REPS1: variants seen among roughly 807,000 people sequenced by gnomAD.
REPS1 encodes ralBP1-associated Eps domain-containing protein 1.
Under a neutral mutation model 100.9 loss-of-function variants are expected in REPS1, and 39 were observed. That is an observed-to-expected ratio of 0.39 (90% CI 0.30 to 0.50). REPS1 has a LOEUF of 0.50. Ranked by LOEUF, REPS1 falls within the 20% of genes least tolerant of loss-of-function variation. The pLI, the probability that REPS1 is intolerant of heterozygous loss-of-function variation, is 0.86. For missense variants in REPS1, 821 were observed against 968.5 expected (o/e 0.85, Z 2.02); for synonymous variants, 324 against 340.3 (o/e 0.95, Z 0.53).
intron 6 of REPS1, 44 bp downstream of exon 6, chr6:138,943,809 T>C (rs1248500007): frequency 1.3e-6 from 2 of 1,499,260 alleles, no homozygotes; most frequent in East Asian, 4.6e-5. Context: ...GAAATTGAGA[T>C]TCTCCTGTCC....
intron 1 of REPS1, among the ~76,000 whole-genome samples, chr6:138,954,829 T>C (rs1238880609): frequency 6.6e-6 from 1 of 152,182 alleles, no homozygotes; most frequent in Non-Finnish European, 1.5e-5. Flanking sequence ...AAAGTAACAC[T>C]TCCTTTCATA....
intron 1 of REPS1, among the ~76,000 whole-genome samples, 184 bp from the exon 2 acceptor site, chr6:138,948,097 T>C (rs1384319145): frequency 6.6e-6 from 1 of 152,192 alleles, no homozygotes; most frequent in Admixed American, 6.5e-5. Context: ...AAGTCACTGC[T>C]TTGCAATAAG....
intron 1 of REPS1, among the ~76,000 whole-genome samples, chr6:138,957,080 A>G (rs1159352255): frequency 6.6e-6 from 1 of 152,146 alleles, no homozygotes; most frequent in Admixed American, 6.5e-5. Flanking sequence ...AATTTTTATT[A>G]AAATAAGGTC....
At chr6:138,941,541 T>C (rs1160574830) in intron 7 of REPS1, 52 bp from the exon 8 acceptor site, 1 of 1,519,234 alleles carries the variant, frequency 6.6e-7, no homozygotes, top group Non-Finnish European at 9.0e-7. Context: ...TGGATCCTTT[T>C]ATTTCTCAAA....
At chr6:138,980,432 T>A (rs1582867900) in intron 1 of REPS1, among the ~76,000 whole-genome samples, 1 of 152,174 alleles carries the variant, frequency 6.6e-6, no homozygotes, top group Admixed American at 6.5e-5. Context: ...CCTTATGCAG[T>A]CCCTGCCATT....
Position 138,941,507 on chromosome 6 carries a change from TG to T in REPS1, c.981-19del, listed in dbSNP as rs1782245405. On this transcript the variant is annotated intron_variant, in intron 7 of 19. Transcript: ENST00000450536. Reference sequence around the variant, plus strand: ...AGAGTTCCCTAGAAGATAAGTTTATTGTGAATATAATCACATTCCGCTTTGG... The same window carrying T: ...AGAGTTCCCTAGAAGATAAGTTTATTTGAATATAATCACATTCCGCTTTGG... The T allele has an allele frequency of 6.2e-7, 1 of 1,608,122 alleles. No individual in the cohort carries two copies. The highest frequency in any genetic ancestry group is 1.3e-5 in the African/African-American group (1 of 74,892).
chr6:138,917,703 A>T, intron 12 of REPS1, 76 bp from the exon 13 acceptor site: 1 of 1,180,686 alleles, frequency 8.5e-7, no homozygotes, highest in Non-Finnish European at 1.2e-6. Context: ...AACAAATATA[A>T]GTGATATGCT....
chr6:138,944,876 T>C (rs776157984), intron 4 of REPS1, among the ~76,000 whole-genome samples: 4 of 152,222 alleles, frequency 2.6e-5, no homozygotes, highest in Admixed American at 6.5e-5. Context: ...CTGGTATCCA[T>C]AAACTTGTCT....
intron 13 of REPS1, 24 bp from the exon 14 acceptor site, chr6:138,916,000 T>C (rs760223421): frequency 1.9e-5 from 29 of 1,500,762 alleles, no homozygotes; most frequent in South Asian, 5.6e-5. Context: ...CCCATGATAA[T>C]TGGTCATACT....
rs150753351 is a variant in REPS1 at position 138,958,504 on chromosome 6, C to T, written c.154-10591G>A. Among the ~76,000 whole-genome samples, 246 of 86,436 alleles carry T rather than the reference C, an allele frequency of 2.8e-3. 1 individual carries two copies. The highest frequency in any genetic ancestry group is 0.026 in the African/African-American group (240 of 9,356). 56.7% of individuals were successfully genotyped at this position (86,436 alleles called of 152,430 possible). On this transcript the variant is annotated intron_variant, in intron 1 of 19. Coordinates refer to ENST00000450536, the MANE Select transcript of REPS1 (RefSeq NM_001286611.2). ...CTCTAAGTTACCTCCCCTCGCCCCCCACTCCCCAACAGGCCTGGTGTGTGT... is the reference window on the plus strand; with the variant it reads ...CTCTAAGTTACCTCCCCTCGCCCCCTACTCCCCAACAGGCCTGGTGTGTGT...
intron 10 of REPS1, among the ~76,000 whole-genome samples, chr6:138,922,236 T>C (rs908189848): frequency 1.3e-5 from 2 of 152,152 alleles, no homozygotes; most frequent in Non-Finnish European, 2.9e-5. Flanking sequence ...GCCTATGACA[T>C]TGCAATAGTA....
chr6:138,937,446 T>G (rs1257581384), intron 8 of REPS1, among the ~76,000 whole-genome samples: 1 of 152,164 alleles, frequency 6.6e-6, no homozygotes, highest in Non-Finnish European at 1.5e-5. Context: ...ACCAAGGTAA[T>G]CTCAAATCTG....
intron 17 of REPS1, 73 bp downstream of exon 17, chr6:138,911,203 A>G: frequency 1.0e-6 from 1 of 1,001,638 alleles, no homozygotes; most frequent in East Asian, 2.5e-5. Flanking sequence ...TTTCTGGCTG[A>G]CCTTATTTCT....
At chr6:138,944,343 A>G (rs779607881) in intron 5 of REPS1, among the ~76,000 whole-genome samples, 155 bp downstream of exon 5, 32 of 152,258 alleles carry the variant, frequency 2.1e-4, no homozygotes, top group Non-Finnish European at 4.0e-4. Context: ...CATTCCAATG[A>G]TAACAGATTT....
At chr6:138,987,436 C>G (rs1160144713) in intron 1 of REPS1, 94 bp downstream of exon 1, 2 of 1,298,300 alleles carry the variant, frequency 1.5e-6, no homozygotes, top group Admixed American at 3.1e-5. Flanking sequence ...AACCAGCCCC[C>G]CGCCGGGCCC....
chr6:138,908,864 A>G lies in REPS1; in HGVS notation c.2068-48T>C, dbSNP rs1779833348. ...ATAATAAGCATTTTTGAAGACATTC[A>G]TAGTTAGCACTTTGCAACACCATTT... On this transcript the variant is annotated intron_variant, in intron 17 of 19. Transcript: ENST00000450536. 6 of 1,576,758 alleles carry G rather than the reference A, an allele frequency of 3.8e-6. No individual in the cohort carries two copies. The East Asian group carries it at 1.1e-4, about 30-fold the overall frequency.
In REPS1 at chr6:138,913,030, A is replaced by T. The variant is rs1780115759; in HGVS notation, c.1786-80T>A. 2.7e-6 allele frequency: 3 copies of T among 1,125,434 alleles called. No homozygotes were observed. In the South Asian group the frequency reaches 4.9e-5, roughly 18 times the overall value. 69.7% of individuals were successfully genotyped at this position (1,125,434 alleles called of 1,614,324 possible). ...CAGAGTCATCTTCTTCTTCTTCGAAAACTTAGTATATAAAGATGACCTGTT... is the reference window on the plus strand; with the variant it reads ...CAGAGTCATCTTCTTCTTCTTCGAATACTTAGTATATAAAGATGACCTGTT... On this transcript the variant is annotated intron_variant, in intron 15 of 19. Transcript: ENST00000450536.
At position 138,987,654 on chromosome 6, in the gene REPS1, T is replaced by C. The variant is rs1198083031; in HGVS notation, c.29A>G (p.Glu10Gly). The C allele has an allele frequency of 6.5e-7, 1 of 1,549,054 alleles. No homozygotes were observed. The highest frequency in any genetic ancestry group is 8.7e-7 in the Non-Finnish European group (1 of 1,146,126). Residue 10 changes from glutamate (E) to glycine (G), a missense_variant, in exon 1 of 20, where the codon GAG (glutamate) becomes GGG (glycine). Transcript: ENST00000450536. ...GAAGAGATCTGAATAGTATTTCTGC[T>C]CCGCATCGCTCAGCGTTAAGCCTTC... MEGLTLSDA[E>G]QKYYSDLFSY...
In REPS1 at chr6:138,920,171, C is replaced by A. The variant is rs1780657466; in HGVS notation, c.1528+44G>T. The A allele has an allele frequency of 5.8e-6, 6 of 1,031,868 alleles. No homozygotes were observed. In the South Asian group the frequency reaches 7.7e-5, roughly 13 times the overall value. The allele number at this position is 1,031,868 out of a possible 1,614,324, so 63.9% of individuals were successfully genotyped here. A position where few individuals can be genotyped will look rare whatever the true frequency, so the allele number is the denominator to read the frequency against. On this transcript the variant is annotated intron_variant, in intron 12 of 19. Transcript: ENST00000450536. ...ATCTGAAATAGTCAGACTCTAAATC[C>A]AGACTTAGTAAACTTCAAATGGAAG...
Sources: gnomAD v4.1 joint callset for allele counts (sites outside exome capture counted in the v4.1 genomes callset) on GRCh38, gnomAD v4.1.1 for gene constraint, MANE v1.5 for transcripts, NCBI Gene and HGNC (gene_info 2026-07-23, HGNC 2026-07-21) for gene names.